The following SASH1 variants were observed in gnomAD, a reference collection of about 807,000 sequenced individuals.
The protein encoded by SASH1 is SAM and SH3 domain containing 1, also known as SAM and SH3 domain-containing protein 1.
SASH1 carries 44 observed loss-of-function variants against 125.2 expected under a neutral mutation model. The ratio of observed to expected loss-of-function variants is 0.35; its 90% confidence interval spans 0.28 to 0.45. SASH1 has a LOEUF of 0.45. Ranked by LOEUF, SASH1 falls within the 20% of genes least tolerant of loss-of-function variation. The probability of loss-of-function intolerance (pLI) is 1.00; values close to 1 mark genes in which losing one functional copy is unlikely to be tolerated. For missense variants in SASH1, 1,426 were observed against 1,614.5 expected, an observed-to-expected ratio of 0.88 and a Z score of 2.00; for synonymous variants, 639 against 649.1, an observed-to-expected ratio of 0.98 and a Z score of 0.24.
chr6:148,363,099 T>C (rs913980222), intron 1 of SASH1, among the ~76,000 whole-genome samples: 2 of 152,116 alleles, frequency 1.3e-5, no homozygotes, highest in African/African-American at 4.8e-5. Flanking sequence ...GGCCAAGGGT[T>C]TTGGGCATGG....
intron 8 of SASH1, chr6:148,513,551 A>G: frequency 3.0e-6 from 3 of 985,460 alleles, no homozygotes; most frequent in Non-Finnish European, 3.6e-6. Flanking sequence ...GCAGAGAGAG[A>G]TATTTTTCCC....
intron 2 of SASH1, among the ~76,000 whole-genome samples, chr6:148,425,761 C>T (rs1454425157): frequency 1.5e-5 from 2 of 131,290 alleles, no homozygotes; most frequent in Non-Finnish European, 3.2e-5. Context: ...TTTCCCTGTC[C>T]CCCTGTGTCC....
At chr6:148,200,818 T>C in the SASH1 span, among the ~76,000 whole-genome samples, 3 of 152,220 alleles carry the variant, frequency 2.0e-5, no homozygotes, top group Admixed American at 1.3e-4. Flanking sequence ...CTTTGAAATA[T>C]AGGGAAGCTT....
chr6:148,217,651 T>C, the SASH1 span, among the ~76,000 whole-genome samples: 1 of 151,978 alleles, frequency 6.6e-6, no homozygotes, highest in African/African-American at 2.4e-5. Flanking sequence ...CAGTCTAAAC[T>C]GCTAAGATGC....
At chr6:148,487,092 T>TACACACACACACACACACACAC (rs1186673454) in intron 7 of SASH1, among the ~76,000 whole-genome samples, 1 of 118,708 alleles carries the variant, frequency 8.4e-6, no homozygotes. Flanking sequence ...CACATATATA[T>TACACACACACACACACACACAC]ACACACACAC....
At chr6:148,325,897 T>G (rs1389357954) in intron 1 of SASH1, among the ~76,000 whole-genome samples, 1 of 152,176 alleles carries the variant, frequency 6.6e-6, no homozygotes, top group Non-Finnish European at 1.5e-5. Context: ...AGCATGACTC[T>G]TGCAAATTGT....
rs117250715 is a variant in SASH1, at chr6:148,526,188, C to T, written c.1284+823C>T. On this transcript the variant is annotated intron_variant, in intron 11 of 19. Coordinates refer to ENST00000367467, the MANE Select transcript of SASH1 (RefSeq NM_015278.5). ...AAGCAATTCTCCTGCCTCAGCCTCC[C>T]GACTGGCTAGGATTACAGGTGCACG... Among the ~76,000 whole-genome samples, 584 of 151,512 alleles carry T rather than the reference C, an allele frequency of 3.9e-3. 6 individuals carry two copies. Among genetic ancestry groups the T allele is most frequent in the Non-Finnish European group, 3.7e-3 (251 of 67,854 alleles).
At chr6:148,371,788 A>T (rs1172975316) in intron 1 of SASH1, among the ~76,000 whole-genome samples, 2 of 152,116 alleles carry the variant, frequency 1.3e-5, no homozygotes, top group East Asian at 3.8e-4. Context: ...ACCCAGGAGG[A>T]TGGTGAAGTA....
chr6:148,439,507 G>C (rs562659741), intron 2 of SASH1, among the ~76,000 whole-genome samples: 2 of 152,150 alleles, frequency 1.3e-5, no homozygotes, highest in African/African-American at 4.8e-5. Flanking sequence ...GGCTGGGCGC[G>C]GTGGCTCATG....
intron 1 of SASH1, among the ~76,000 whole-genome samples, chr6:148,327,947 A>C (rs1051626588): frequency 6.6e-6 from 1 of 151,674 alleles, no homozygotes; most frequent in African/African-American, 2.4e-5. Context: ...TCTAAAAAAA[A>C]AAAAAAAAAG....
chr6:148,360,382 C>G (rs1782142825), intron 1 of SASH1, among the ~76,000 whole-genome samples: 1 of 143,762 alleles, frequency 7.0e-6, no homozygotes, highest in African/African-American at 2.6e-5. Context: ...GAGTCTTGCT[C>G]TGTTGCCCTG....
the SASH1 span, among the ~76,000 whole-genome samples, chr6:148,208,065 C>T: frequency 1.2e-4 from 19 of 152,288 alleles, no homozygotes; most frequent in African/African-American, 4.3e-4. Context: ...ATTCCTGCCC[C>T]ACCTCTTCCT....
the SASH1 span, among the ~76,000 whole-genome samples, chr6:148,262,508 G>A: frequency 6.6e-6 from 1 of 152,260 alleles, no homozygotes; most frequent in Middle Eastern, 3.4e-3. Flanking sequence ...GCTAACTGCA[G>A]GACCTGCAGC....
At chr6:148,470,143 T>C (rs1393426491) in intron 5 of SASH1, among the ~76,000 whole-genome samples, 1 of 152,182 alleles carries the variant, frequency 6.6e-6, no homozygotes, top group Admixed American at 6.5e-5. Flanking sequence ...TAACCCTGCA[T>C]GTCTGACATT....
At chr6:148,424,037 A>G (rs894872109) in intron 2 of SASH1, among the ~76,000 whole-genome samples, 1 of 150,328 alleles carries the variant, frequency 6.7e-6, no homozygotes, top group African/African-American at 2.4e-5. Context: ...CCCATCCCAG[A>G]CAGCAGACAG....
chr6:148,534,762 C>A lies in SASH1; in HGVS notation c.1956C>A (p.Pro652=). ...LDRINLKEHM[P]TFLFNGYEDL... ...TCTCCCTCTCACAGGAGCACATGCC[C>A]ACTTTCCTGTTCAATGGATATGAAG... Residue 652 remains proline, a synonymous_variant, in exon 16 of 20, where the codon CCC becomes CCA. Coordinates refer to ENST00000367467, the MANE Select transcript of SASH1 (RefSeq NM_015278.5). 6.2e-7 allele frequency: 1 copy of A among 1,614,208 alleles called. No homozygotes were observed. Among genetic ancestry groups the A allele is most frequent in the Admixed American group, 1.7e-5 (1 of 60,020 alleles).
At chr6:148,503,399 A>C (rs1779640940) in intron 8 of SASH1, among the ~76,000 whole-genome samples, 1 of 152,254 alleles carries the variant, frequency 6.6e-6, no homozygotes, top group Non-Finnish European at 1.5e-5. Flanking sequence ...GGAAACAGGC[A>C]AATGTCTAAT....
chr6:148,231,738 C>G, the SASH1 span, among the ~76,000 whole-genome samples: 1 of 151,556 alleles, frequency 6.6e-6, no homozygotes, highest in South Asian at 2.1e-4. Flanking sequence ...TTTAATACAA[C>G]TAAACTCATT....
At chr6:148,487,512 A>T in intron 7 of SASH1, 102 bp from the exon 8 acceptor site, 1 of 813,740 alleles carries the variant, frequency 1.2e-6, no homozygotes, top group South Asian at 1.6e-5. Context: ...CAAGATTATG[A>T]ACCAGGAACC....
Sources: gnomAD v4.1 joint callset for allele counts (sites outside exome capture counted in the v4.1 genomes callset) on GRCh38, gnomAD v4.1.1 for gene constraint, MANE v1.5 for transcripts, NCBI Gene and HGNC (gene_info 2026-07-23, HGNC 2026-07-21) for gene names.